Variants in ADAMTS18 observed in about 807,000 individuals in gnomAD.
The protein encoded by ADAMTS18 is ADAM metallopeptidase with thrombospondin type 1 motif 18, also known as A disintegrin and metalloproteinase with thrombospondin motifs 18.
A neutral mutation model predicts 165.9 loss-of-function variants in ADAMTS18; 157 were observed. The observed-to-expected ratio is 0.95, with a 90% CI of 0.83 to 1.08. ADAMTS18 has a LOEUF of 1.08. Among genes scored for constraint, ADAMTS18 ranks in the 50% least tolerant of loss-of-function variants. The probability of loss-of-function intolerance (pLI) is 0.00; values close to 1 mark genes in which losing one functional copy is unlikely to be tolerated. For synonymous variants in ADAMTS18, 782 were observed against 578.2 expected, an observed-to-expected ratio of 1.35 and a Z score of -5.06; for missense variants, 2,040 against 1,534.0, an observed-to-expected ratio of 1.33 and a Z score of -5.51.
In ADAMTS18 at chr16:77,359,363, G is replaced by C. The variant is rs2056677198; in HGVS notation, c.1277C>G (p.Thr426Arg). 1 of 1,614,164 alleles carries C rather than the reference G, an allele frequency of 6.2e-7. No homozygotes were observed. The highest frequency in any genetic ancestry group is 8.5e-7 in the Non-Finnish European group (1 of 1,180,024). ...GATGGTGAAGGCAAGGCCAAGTCCTGTGTCCTCATTGATGGTACAACTTCG... is the reference window on the plus strand; with the variant it reads ...GATGGTGAAGGCAAGGCCAAGTCCTCTGTCCTCATTGATGGTACAACTTCG... ...KYRSCTINED[T>R]GLGLAFTIAH... Residue 426 changes from threonine to arginine, a missense_variant, in exon 8 of 23, where the codon ACA becomes AGA. Physicochemically the swap from Thr to Arg is moderately conservative, Grantham distance 71 (BLOSUM62 -1). Transcript: ENST00000282849.
At chr16:77,318,446 G>T (rs1415009060) in intron 16 of ADAMTS18, among the ~76,000 whole-genome samples, 1 of 152,206 alleles carries the variant, frequency 6.6e-6, no homozygotes, top group Non-Finnish European at 1.5e-5. Context: ...ATGTAACACA[G>T]TCTGTTTAAG....
intron 7 of ADAMTS18, among the ~76,000 whole-genome samples, chr16:77,361,032 G>C (rs1340994619): frequency 4.6e-5 from 7 of 152,260 alleles, no homozygotes; most frequent in African/African-American, 1.7e-4. Flanking sequence ...GTTGCAGTGA[G>C]CCGAAATCAC....
chr16:77,337,903 C>CT (rs1468185519), intron 11 of ADAMTS18, among the ~76,000 whole-genome samples: 4 of 120,924 alleles, frequency 3.3e-5, no homozygotes, highest in African/African-American at 1.1e-4. Flanking sequence ...CTTTTCTTTT[C>CT]TTTTCTTTTT....
At chr16:77,368,367 G>C (rs1338661388) in intron 3 of ADAMTS18, among the ~76,000 whole-genome samples, 1 of 151,982 alleles carries the variant, frequency 6.6e-6, no homozygotes, top group Non-Finnish European at 1.5e-5. Flanking sequence ...GTTCACCACT[G>C]GATAGAGTGA....
chr16:77,293,146 T>C lies in ADAMTS18; in HGVS notation c.3119A>G (p.Gln1040Arg). 2 of 1,614,014 alleles carry C rather than the reference T, an allele frequency of 1.2e-6. No individual in the cohort carries two copies. The highest frequency in any genetic ancestry group is 1.7e-6 in the Non-Finnish European group (2 of 1,179,972). Residue 1040 changes from glutamine to arginine, a missense_variant, in exon 20 of 23, where the codon CAG becomes CGG. Coordinates refer to ENST00000282849, the MANE Select transcript of ADAMTS18 (RefSeq NM_199355.4). The part of the protein sequence containing the change: ...QCTSLPRPEL[Q>R]EGCVLGRCPK... ...GCATCGTCCAAGCACACAGCCCTCCTGCAGCTCAGGTCTGGGGAGACTGGT... is the reference window on the plus strand; with the variant it reads ...GCATCGTCCAAGCACACAGCCCTCCCGCAGCTCAGGTCTGGGGAGACTGGT...
At chr16:77,296,332 T>G (rs1278351291) in intron 18 of ADAMTS18, among the ~76,000 whole-genome samples, 2 of 152,162 alleles carry the variant, frequency 1.3e-5, no homozygotes, top group African/African-American at 4.8e-5. Context: ...GAGTTACCAC[T>G]TGGCCTATAC....
At chr16:77,304,641 A>G (rs1336651381) in intron 16 of ADAMTS18, among the ~76,000 whole-genome samples, 1 of 152,254 alleles carries the variant, frequency 6.6e-6, no homozygotes, top group Non-Finnish European at 1.5e-5. Context: ...AATATTAAAC[A>G]GCAGTAAGGG....
At chr16:77,422,715 T>A (rs2057619348) in intron 3 of ADAMTS18, among the ~76,000 whole-genome samples, 1 of 152,110 alleles carries the variant, frequency 6.6e-6, no homozygotes, top group Non-Finnish European at 1.5e-5. Flanking sequence ...AAAAAATGCA[T>A]ATTTTTTTAT....
chr16:77,284,641 T>G (rs2055213426), intron 22 of ADAMTS18, among the ~76,000 whole-genome samples: 1 of 152,088 alleles, frequency 6.6e-6, no homozygotes, highest in East Asian at 1.9e-4. Flanking sequence ...AATGATTTGT[T>G]TTTAAAAAAT....
At chr16:77,321,404 A>C (rs542107954) in intron 14 of ADAMTS18, among the ~76,000 whole-genome samples, 1 of 152,308 alleles carries the variant, frequency 6.6e-6, no homozygotes, top group East Asian at 1.9e-4. Context: ...AGCAAGTTGT[A>C]TAACTCATCT....
At chr16:77,408,534 T>C (rs548044007) in intron 3 of ADAMTS18, among the ~76,000 whole-genome samples, 1 of 152,298 alleles carries the variant, frequency 6.6e-6, no homozygotes. Context: ...AAACTACAGC[T>C]ACATATAACA....
intron 22 of ADAMTS18, among the ~76,000 whole-genome samples, chr16:77,288,414 T>C (rs1399850089): frequency 6.6e-6 from 1 of 151,084 alleles, no homozygotes; most frequent in African/African-American, 2.4e-5. Context: ...TTTTTTGGTC[T>C]TGTGCAAGAT....
At chr16:77,381,920 G>C (rs994839441) in intron 3 of ADAMTS18, among the ~76,000 whole-genome samples, 1 of 152,184 alleles carries the variant, frequency 6.6e-6, no homozygotes, top group Non-Finnish European at 1.5e-5. Context: ...CATGGATCCA[G>C]ACATACCTGG....
chr16:77,293,160 G>A lies in ADAMTS18; in HGVS notation c.3105C>T (p.Pro1035=), dbSNP rs764081033. 6.2e-7 allele frequency: 1 copy of A among 1,613,860 alleles called. No individual in the cohort carries two copies. The highest frequency in any genetic ancestry group is 8.5e-7 in the Non-Finnish European group (1 of 1,179,992). ...CACAGCCCTCCTGCAGCTCAGGTCT[G>A]GGGAGACTGGTACACTGGCTCTCGG... ...TLPESQCTSL[P]RPELQEGCVL... The change falls in exon 20 of 23, where the codon CCC becomes CCT. Residue 1035 remains proline, a synonymous_variant. Transcript: ENST00000282849.
At chr16:77,315,727 C>T (rs1473105974) in intron 16 of ADAMTS18, among the ~76,000 whole-genome samples, 1 of 152,134 alleles carries the variant, frequency 6.6e-6, no homozygotes, top group Non-Finnish European at 1.5e-5. Context: ...CAAGAGGCAG[C>T]TTATCAAAGA....
intron 3 of ADAMTS18, among the ~76,000 whole-genome samples, chr16:77,377,108 T>C (rs6564437): frequency 0.77 from 116,599 of 152,030 alleles, 44,870 homozygotes; most frequent in East Asian, 0.89. Flanking sequence ...AGCCACCTCA[T>C]CCGGCCTCAA....
At position 77,367,466 on chromosome 16, in the gene ADAMTS18, C is replaced by G; in HGVS notation, c.753G>C (p.Gln251His). 1 of 1,614,198 alleles carries G rather than the reference C, an allele frequency of 6.2e-7. No individual in the cohort carries two copies. Among genetic ancestry groups the G allele is most frequent in the South Asian group, 1.1e-5 (1 of 91,084 alleles). The change falls in exon 4 of 23, where the codon CAG becomes CAC. Residue 251 changes from glutamine (Q) to histidine (H), a missense_variant. Physicochemically the swap from Gln to His is conservative, Grantham distance 24. Coordinates refer to ENST00000282849, the MANE Select transcript of ADAMTS18 (RefSeq NM_199355.4). Reference sequence around the variant, plus strand: ...ATTTCTTGCGTCGTCCACAAAAATGCTGCTTTTGCAACCTTCGATGGTGAT... The same window carrying G: ...ATTTCTTGCGTCGTCCACAAAAATGGTGCTTTTGCAACCTTCGATGGTGAT... ...TEYHHRRLQK[Q>H]HFCGRRKKYA...
At chr16:77,331,070 T>C (rs77465220) in intron 12 of ADAMTS18, among the ~76,000 whole-genome samples, 1 of 152,224 alleles carries the variant, frequency 6.6e-6, no homozygotes, top group Non-Finnish European at 1.5e-5. Flanking sequence ...TCCTGATTTA[T>C]TTTTCATCTT....
intron 20 of ADAMTS18, among the ~76,000 whole-genome samples, chr16:77,292,414 C>T (rs929994573): frequency 6.6e-6 from 1 of 152,180 alleles, no homozygotes; most frequent in East Asian, 1.9e-4. Flanking sequence ...AGTCCCCTGT[C>T]ATCACTCCTG....
Sources: allele counts gnomAD v4.1 joint callset (sites outside exome capture counted in the v4.1 genomes callset), GRCh38; gene constraint gnomAD v4.1.1; transcripts MANE v1.5; gene names NCBI Gene and HGNC (gene_info 2026-07-23, HGNC 2026-07-21).